Variants in SLIT3 observed in about 807,000 individuals in gnomAD.
SLIT3 encodes the protein slit homolog 3 protein.
SLIT3 carries 68 observed loss-of-function variants against 184.0 expected under a neutral mutation model. The observed-to-expected ratio is 0.37, with a 90% CI of 0.30 to 0.45. The LOEUF is 0.45. Among genes scored for constraint, SLIT3 ranks in the 20% least tolerant of loss-of-function variants. The probability of loss-of-function intolerance (pLI) is 1.00; values close to 1 mark genes in which losing one functional copy is unlikely to be tolerated. For synonymous variants in SLIT3, 831 were observed against 828.6 expected, an observed-to-expected ratio of 1.00 and a Z score of -0.05; for missense variants, 1,707 against 2,026.0, an observed-to-expected ratio of 0.84 and a Z score of 3.02.
intron 8 of SLIT3, among the ~76,000 whole-genome samples, chr5:168,816,062 G>GT (rs1331652173): frequency 6.6e-6 from 1 of 152,088 alleles, no homozygotes; most frequent in East Asian, 1.9e-4. Flanking sequence ...TTGTTTGTTT[G>GT]TTTTTTTAGG....
At chr5:169,130,691 T>C (rs970761087) in intron 4 of SLIT3, among the ~76,000 whole-genome samples, 6 of 152,132 alleles carry the variant, frequency 3.9e-5, no homozygotes, top group South Asian at 2.1e-4. Context: ...CTTCAATATA[T>C]TGTTGCTGTT....
chr5:168,700,719 C>T lies in SLIT3; in HGVS notation c.2845-40G>A, dbSNP rs368096292. ...AGGGAGAAGCACCTGGTTAGGGGGA[C>T]TTCTGGGGCTGCCATGGCCCAGGGG... On this transcript the variant is annotated intron_variant, in intron 26 of 35. Transcript: ENST00000519560. The T allele has an allele frequency of 1.7e-5, 26 of 1,508,440 alleles. No homozygotes were observed. The African/African-American group carries it at 3.4e-4, about 20-fold the overall frequency. 93.4% of individuals were successfully genotyped at this position (1,508,440 alleles called of 1,614,324 possible). A position where few individuals can be genotyped will look rare whatever the true frequency, so the allele number is the denominator to read the frequency against.
At chr5:169,267,978 G>T (rs1766457403) in intron 1 of SLIT3, among the ~76,000 whole-genome samples, 1 of 152,148 alleles carries the variant, frequency 6.6e-6, no homozygotes, top group African/African-American at 2.4e-5. Context: ...GAAAACGAAG[G>T]AACAGCCCAA....
At chr5:169,109,533 A>G (rs188687134) in intron 4 of SLIT3, among the ~76,000 whole-genome samples, 50 of 152,318 alleles carry the variant, frequency 3.3e-4, no homozygotes, top group South Asian at 2.3e-3. Context: ...GAGATAGTAA[A>G]TGTGTGTTGT....
In SLIT3 at chr5:169,176,549, T is replaced by G. The variant is rs73315688; in HGVS notation, c.413+16930A>C. ...ATGGCATTGAATTGTTTGAAAGAAGTTAAGAGGAGTGACCTAAATTAATCC... is the reference window on the plus strand; with the variant it reads ...ATGGCATTGAATTGTTTGAAAGAAGGTAAGAGGAGTGACCTAAATTAATCC... On this transcript the variant is annotated intron_variant, in intron 4 of 35. Transcript: ENST00000519560. Among the ~76,000 whole-genome samples, 842 of 152,254 alleles carry G rather than the reference T, an allele frequency of 5.5e-3. 12 individuals carry two copies. The highest frequency in any genetic ancestry group is 0.019 in the African/African-American group (808 of 41,530).
intron 6 of SLIT3, among the ~76,000 whole-genome samples, chr5:168,828,670 A>AAAAAAAAAAAAAAAAAG (rs60456664): frequency 6.8e-6 from 1 of 147,362 alleles, no homozygotes; most frequent in East Asian, 2.0e-4. Context: ...AAAAAAAAAA[A>AAAAAAAAAAAAAAAAAG]GAAAAAAGAA....
intron 4 of SLIT3, chr5:169,024,465 G>C (rs1321815062): frequency 6.6e-6 from 1 of 152,166 alleles, no homozygotes; most frequent in African/African-American, 2.4e-5. Context: ...CACTGGGCAG[G>C]GGGTGCAGGT....
intron 4 of SLIT3, among the ~76,000 whole-genome samples, chr5:169,179,290 T>C (rs1763077365): frequency 6.6e-6 from 1 of 150,986 alleles, no homozygotes; most frequent in African/African-American, 2.4e-5. Context: ...TTTTTTTTTT[T>C]TTTTTCCAGA....
intron 20 of SLIT3, among the ~76,000 whole-genome samples, chr5:168,738,631 C>T (rs1763512156): frequency 6.6e-6 from 1 of 152,050 alleles, no homozygotes; most frequent in South Asian, 2.1e-4. Flanking sequence ...AAAGTAAGCC[C>T]ATCACTTTAA....
intron 4 of SLIT3, among the ~76,000 whole-genome samples, chr5:168,931,284 C>T (rs1379617742): frequency 1.3e-5 from 2 of 152,176 alleles, no homozygotes; most frequent in African/African-American, 4.8e-5. Flanking sequence ...CTGGCAATTG[C>T]CTTTTCAGAA....
At chr5:169,099,612 G>A (rs1051538630) in intron 4 of SLIT3, among the ~76,000 whole-genome samples, 12 of 152,178 alleles carry the variant, frequency 7.9e-5, no homozygotes, top group Non-Finnish European at 1.5e-4. Context: ...CCTGTAAGTA[G>A]TCACACAGCT....
At chr5:168,984,745 A>G (rs1755068657) in intron 4 of SLIT3, among the ~76,000 whole-genome samples, 1 of 152,190 alleles carries the variant, frequency 6.6e-6, no homozygotes, top group Admixed American at 6.5e-5. Context: ...TATAAGGCTG[A>G]TTATCAGTTA....
At chr5:168,921,686 G>A (rs964009936) in intron 4 of SLIT3, among the ~76,000 whole-genome samples, 4 of 152,032 alleles carry the variant, frequency 2.6e-5, no homozygotes, top group African/African-American at 9.7e-5. Flanking sequence ...CTCCTGTCCC[G>A]GCTCCAAGCT....
At chr5:168,925,133 G>A (rs1362187081) in intron 4 of SLIT3, among the ~76,000 whole-genome samples, 1 of 152,224 alleles carries the variant, frequency 6.6e-6, no homozygotes, top group Non-Finnish European at 1.5e-5. Flanking sequence ...ATTATAGACA[G>A]TTTAAGCAGG....
At chr5:169,269,787 A>G (rs1475974817) in intron 1 of SLIT3, among the ~76,000 whole-genome samples, 2 of 152,258 alleles carry the variant, frequency 1.3e-5, no homozygotes, top group East Asian at 3.8e-4. Flanking sequence ...CTCCCAACGA[A>G]GACAAACATC....
chr5:168,704,937 G>A (rs1762333684), intron 26 of SLIT3, among the ~76,000 whole-genome samples: 2 of 152,200 alleles, frequency 1.3e-5, no homozygotes, highest in Non-Finnish European at 2.9e-5. Flanking sequence ...ACATAGCACA[G>A]AGAATTTGAT....
At chr5:168,822,072 T>C (rs1445658215) in intron 7 of SLIT3, among the ~76,000 whole-genome samples, 1 of 152,150 alleles carries the variant, frequency 6.6e-6, no homozygotes, top group Non-Finnish European at 1.5e-5. Context: ...GTATGTCTGG[T>C]ATGGGGCCTG....
chr5:168,816,926 C>A (rs1757350051), intron 8 of SLIT3, among the ~76,000 whole-genome samples: 1 of 152,210 alleles, frequency 6.6e-6, no homozygotes. Flanking sequence ...ATCTTGTCTT[C>A]CAATTTCTAT....
At chr5:168,736,829 G>A (rs1202509298) in intron 20 of SLIT3, among the ~76,000 whole-genome samples, 2 of 152,244 alleles carry the variant, frequency 1.3e-5, no homozygotes, top group African/African-American at 4.8e-5. Context: ...CCACAGGGAG[G>A]ACTTGGGGTC....
Sources: gnomAD v4.1 joint callset for allele counts (sites outside exome capture counted in the v4.1 genomes callset) on GRCh38, gnomAD v4.1.1 for gene constraint, MANE v1.5 for transcripts, NCBI Gene and HGNC (gene_info 2026-07-23, HGNC 2026-07-21) for gene names.